Variants in KCNIP4 observed in about 807,000 individuals in gnomAD.
KCNIP4 encodes the protein Kv channel-interacting protein 4.
A neutral mutation model predicts 34.0 loss-of-function variants in KCNIP4; 12 were observed. That is an observed-to-expected ratio of 0.35 (90% CI 0.23 to 0.57). KCNIP4 has a LOEUF of 0.57. Among genes scored for constraint, KCNIP4 ranks in the 20% least tolerant of loss-of-function variants. The pLI, the probability that KCNIP4 is intolerant of heterozygous loss-of-function variation, is 0.83. For missense variants in KCNIP4, 238 were observed against 311.7 expected (o/e 0.76, Z 1.78); for synonymous variants, 124 against 102.2 (o/e 1.21, Z -1.29).
intron 1 of KCNIP4, among the ~76,000 whole-genome samples, chr4:21,338,405 G>A (rs752651858): frequency 3.3e-5 from 5 of 151,550 alleles, no homozygotes; most frequent in Non-Finnish European, 5.9e-5. Flanking sequence ...ATTGCTGAGT[G>A]CATAGTGCAT....
At chr4:21,892,857 A>C (rs1038377342) in intron 1 of KCNIP4, among the ~76,000 whole-genome samples, 1 of 152,146 alleles carries the variant, frequency 6.6e-6, no homozygotes, top group African/African-American at 2.4e-5. Context: ...ACTACCCTAC[A>C]GATTTTGATT....
chr4:20,749,155 CAAAA>C (rs1553888859), intron 5 of KCNIP4, among the ~76,000 whole-genome samples: 5 of 128,990 alleles, frequency 3.9e-5, no homozygotes, highest in South Asian at 2.5e-4. Flanking sequence ...GAGACTCTTT[CAAAA>C]AAAAAAAAAA....
At chr4:21,501,745 C>T (rs1733373383) in intron 1 of KCNIP4, among the ~76,000 whole-genome samples, 1 of 117,452 alleles carries the variant, frequency 8.5e-6, no homozygotes, top group African/African-American at 3.2e-5. Context: ...ATATGTAATA[C>T]CATGCAGATC....
chr4:21,593,035 T>C (rs764598071), intron 1 of KCNIP4, among the ~76,000 whole-genome samples: 1 of 152,020 alleles, frequency 6.6e-6, no homozygotes, highest in Non-Finnish European at 1.5e-5. Flanking sequence ...TGATGTCCAG[T>C]GGTTTTCCAA....
At chr4:21,357,149 T>G (rs1718711725) in intron 1 of KCNIP4, among the ~76,000 whole-genome samples, 1 of 152,302 alleles carries the variant, frequency 6.6e-6, no homozygotes, top group African/African-American at 2.4e-5. Flanking sequence ...TCCTTACAAC[T>G]TATAGAAAAA....
At chr4:21,111,310 A>G (rs1039651183) in intron 1 of KCNIP4, among the ~76,000 whole-genome samples, 3 of 152,210 alleles carry the variant, frequency 2.0e-5, no homozygotes, top group Non-Finnish European at 4.4e-5. Context: ...GATTAAGCAG[A>G]AAATATTATC....
intron 1 of KCNIP4, among the ~76,000 whole-genome samples, chr4:21,800,432 T>C (rs937650344): frequency 6.6e-6 from 1 of 152,150 alleles, no homozygotes; most frequent in African/African-American, 2.4e-5. Context: ...GCAAGGATTA[T>C]AAAAATGAAC....
At chr4:21,535,965 C>T (rs1737132160) in intron 1 of KCNIP4, among the ~76,000 whole-genome samples, 1 of 152,170 alleles carries the variant, frequency 6.6e-6, no homozygotes, top group Non-Finnish European at 1.5e-5. Context: ...TATATCTCAC[C>T]TTCTATCTCC....
chr4:20,776,912 T>C (rs1245877729), intron 3 of KCNIP4, among the ~76,000 whole-genome samples: 1 of 151,844 alleles, frequency 6.6e-6, no homozygotes, highest in Non-Finnish European at 1.5e-5. Flanking sequence ...ATGATTACTT[T>C]AGATCAAAAC....
chr4:21,044,532 G>T (rs556114145), intron 1 of KCNIP4, among the ~76,000 whole-genome samples: 1 of 151,988 alleles, frequency 6.6e-6, no homozygotes, highest in Non-Finnish European at 1.5e-5. Context: ...GGATGGTCTC[G>T]ATCTCTTGAC....
chr4:21,928,108 CTATA>C (rs144162392), intron 1 of KCNIP4, among the ~76,000 whole-genome samples: 46,076 of 142,816 alleles, frequency 0.32, 8,160 homozygotes, highest in Non-Finnish European at 0.41. Flanking sequence ...CCAGATTAGA[CTATA>C]TATATATATA....
intron 1 of KCNIP4, among the ~76,000 whole-genome samples, chr4:21,502,778 A>G (rs1366617067): frequency 6.6e-6 from 1 of 152,200 alleles, no homozygotes; most frequent in African/African-American, 2.4e-5. Context: ...TACAGGTCCT[A>G]TTCCGTTTTG....
At position 21,277,877 on chromosome 4, in the gene KCNIP4, C is replaced by T. The variant is rs192894629; in HGVS notation, c.62-395168G>A. Among the ~76,000 whole-genome samples the T allele has an allele frequency of 4.8e-3, 735 of 152,144 alleles. 3 individuals carry two copies. Among genetic ancestry groups the T allele is most frequent in the African/African-American group, 0.016 (669 of 41,514 alleles). ...GCACATTTTTCTGAATTTTACAGCA[C>T]CTGGATAAAGATAAAATGCTAAACA... is the stretch of plus-strand genomic sequence containing the variant. On this transcript the variant is annotated intron_variant, in intron 1 of 8. Transcript: ENST00000382152.
At chr4:20,978,128 T>C (rs1423947140) in intron 1 of KCNIP4, among the ~76,000 whole-genome samples, 2 of 152,234 alleles carry the variant, frequency 1.3e-5, no homozygotes, top group African/African-American at 4.8e-5. Flanking sequence ...CTGCAACTCA[T>C]TGTTGGTTAT....
intron 1 of KCNIP4, among the ~76,000 whole-genome samples, chr4:21,141,676 C>T (rs959870528): frequency 6.6e-6 from 1 of 151,986 alleles, no homozygotes; most frequent in African/African-American, 2.4e-5. Context: ...AAGTATGACC[C>T]ATCTTTTATT....
intron 1 of KCNIP4, among the ~76,000 whole-genome samples, chr4:21,519,795 ATACACGTGTGTGTATGTGTG>A (rs1735351860): frequency 3.7e-5 from 5 of 134,434 alleles, no homozygotes; most frequent in East Asian, 2.5e-4. Flanking sequence ...ATGTGTGTGT[ATACACGTGTGTGTATGTGTG>A]TGTATACACA....
chr4:21,424,925 A>AT (rs1725808067), intron 1 of KCNIP4, among the ~76,000 whole-genome samples: 1 of 152,156 alleles, frequency 6.6e-6, no homozygotes, highest in Non-Finnish European at 1.5e-5. Context: ...ATTTTAATGT[A>AT]TTTTTTATTT....
intron 1 of KCNIP4, among the ~76,000 whole-genome samples, chr4:21,591,047 AT>A (rs1215544674): frequency 6.6e-6 from 1 of 151,988 alleles, no homozygotes; most frequent in African/African-American, 2.4e-5. Context: ...TGTTTGAAAA[AT>A]GTCTTATATA....
At chr4:21,387,772 C>T (rs1722164478) in intron 1 of KCNIP4, among the ~76,000 whole-genome samples, 1 of 152,040 alleles carries the variant, frequency 6.6e-6, no homozygotes, top group African/African-American at 2.4e-5. Context: ...ATAGATTTGT[C>T]GTGATAATTA....
Sources: allele counts gnomAD v4.1 joint callset (sites outside exome capture counted in the v4.1 genomes callset), GRCh38; gene constraint gnomAD v4.1.1; transcripts MANE v1.5; gene names NCBI Gene and HGNC (gene_info 2026-07-23, HGNC 2026-07-21).